The following CHRDL1 variants were observed in gnomAD, a reference collection of about 807,000 sequenced individuals.
CHRDL1 encodes chordin like 1, also known as chordin-like protein 1.
In CHRDL1, 19 loss-of-function variants were observed where a neutral mutation model predicts 40.9. The ratio of observed to expected loss-of-function variants is 0.46; its 90% CI spans 0.32 to 0.68. The LOEUF (loss-of-function observed/expected upper bound fraction) is 0.68. Among genes scored for constraint, CHRDL1 ranks in the 30% least tolerant of loss-of-function variants. The pLI, the probability that CHRDL1 is intolerant of heterozygous loss-of-function variation, is 0.03. For synonymous variants in CHRDL1, 136 were observed against 123.4 expected, an observed-to-expected ratio of 1.10 and a Z score of -0.68; for missense variants, 329 against 352.1, an observed-to-expected ratio of 0.93 and a Z score of 0.53.
At chrX:110,712,345 A>G (rs1031045434) in intron 6 of CHRDL1, among the ~76,000 whole-genome samples, 1 of 111,036 alleles carries the variant, frequency 9.0e-6, no homozygotes, top group Non-Finnish European at 1.9e-5. Context: ...GAAAAATAAC[A>G]GTTTAAGTGA....
chrX:110,782,674 C>T (rs980034737), intron 2 of CHRDL1, among the ~76,000 whole-genome samples: 1 of 112,561 alleles, frequency 8.9e-6, no homozygotes, highest in Non-Finnish European at 1.9e-5. Flanking sequence ...TCAGTGACAA[C>T]ACATAATGTA....
chrX:110,779,530 G>A lies in CHRDL1; in HGVS notation c.94+12558C>T, dbSNP rs528200299. ...TGATGTTTATTTGGGTCTATTTCTG[G>A]GCTCTCTATTACATTCCCTTGATCT... is the stretch of plus-strand genomic sequence containing the variant. On this transcript the variant is annotated intron_variant, in intron 2 of 11. Transcript: ENST00000372042. Among the ~76,000 whole-genome samples the A allele has an allele frequency of 3.0e-4, 33 of 111,145 alleles. No homozygotes were observed. The South Asian group carries it at 0.012, about 40-fold the overall frequency.
At chrX:110,770,249 T>C (rs1264512650) in intron 2 of CHRDL1, among the ~76,000 whole-genome samples, 2 of 112,226 alleles carry the variant, frequency 1.8e-5, no homozygotes, top group African/African-American at 6.5e-5. Flanking sequence ...TAGAGTGTTA[T>C]TTTATAAACA....
chrX:110,720,542 A>G (rs2070931010), intron 5 of CHRDL1, among the ~76,000 whole-genome samples: 1 of 112,062 alleles, frequency 8.9e-6, no homozygotes, highest in African/African-American at 3.2e-5. Context: ...TCTTAGAAGC[A>G]CATTCTTTTG....
At chrX:110,771,001 G>T (rs965800310) in intron 2 of CHRDL1, among the ~76,000 whole-genome samples, 11 of 110,236 alleles carry the variant, frequency 1.0e-4, no homozygotes, top group African/African-American at 3.6e-4. Context: ...ACAAAAATTA[G>T]CCAGGCATGG....
intron 4 of CHRDL1, among the ~76,000 whole-genome samples, chrX:110,751,721 A>T (rs1408466125): frequency 8.9e-6 from 1 of 111,783 alleles, no homozygotes; most frequent in South Asian, 3.8e-4. Context: ...GAGGCTTCTT[A>T]AAAAAGCTAC....
At chrX:110,722,905 T>C (rs1291680280) in intron 4 of CHRDL1, among the ~76,000 whole-genome samples, 1 of 110,868 alleles carries the variant, frequency 9.0e-6, no homozygotes, top group Non-Finnish European at 1.9e-5. Context: ...CTGTAATGAA[T>C]ATGAGTCTAT....
chrX:110,733,562 G>A (rs1569475050), intron 4 of CHRDL1, among the ~76,000 whole-genome samples: 1 of 111,418 alleles, frequency 9.0e-6, no homozygotes, highest in African/African-American at 3.3e-5. Context: ...GTGCAAAGGA[G>A]ACAGGGTCTA....
In CHRDL1 at chrX:110,735,658, A is replaced by C. The variant is rs1246886766; in HGVS notation, c.302-14128T>G. The stretch of plus-strand genomic sequence containing the variant: ...AAGAGAAAATGCTCCCCTGTGAAAT[A>C]CTGTATAGTGCTAATAACCAGAACC... On this transcript the variant is annotated intron_variant, in intron 4 of 11. Transcript: ENST00000372042. 4.5e-5 allele frequency among the ~76,000 whole-genome samples: 5 copies of C among 112,178 alleles called. No homozygotes were observed. In the East Asian group the frequency reaches 1.4e-3, roughly 31 times the overall value.
At chrX:110,711,223 T>C (rs188679284) in intron 6 of CHRDL1, among the ~76,000 whole-genome samples, 8 of 112,118 alleles carry the variant, frequency 7.1e-5, no homozygotes, top group Middle Eastern at 4.6e-3. Flanking sequence ...CCAGTGAATA[T>C]AGAGGGCGGA....
chrX:110,676,951 G>C (rs143407541), intron 11 of CHRDL1, among the ~76,000 whole-genome samples: 285 of 110,928 alleles, frequency 2.6e-3, no homozygotes, highest in Middle Eastern at 9.3e-3. Flanking sequence ...CCCTTCCCAT[G>C]GTTCCTCATC....
rs775699372 is a variant in CHRDL1 at position 110,747,656 on chromosome X, T to C, written c.301+12005A>G. 4.4e-5 allele frequency among the ~76,000 whole-genome samples: 5 copies of C among 112,460 alleles called. No homozygotes were observed. In the East Asian group the frequency reaches 1.4e-3, roughly 32 times the overall value. On this transcript the variant is annotated intron_variant, in intron 4 of 11. Coordinates refer to ENST00000372042, the MANE Select transcript of CHRDL1 (RefSeq NM_001143981.2). ...AACTTACATACGTACAACATAAATG[T>C]AGAGTTGTACTGATGCTTTCAAAGC...
At chrX:110,698,839 C>T (rs2070454832) in intron 7 of CHRDL1, among the ~76,000 whole-genome samples, 1 of 111,534 alleles carries the variant, frequency 9.0e-6, no homozygotes, top group Non-Finnish European at 1.9e-5. Context: ...CTTAAGGTGA[C>T]TAAACTCTAA....
At chrX:110,729,633 C>T (rs1471394249) in intron 4 of CHRDL1, among the ~76,000 whole-genome samples, 1 of 111,807 alleles carries the variant, frequency 8.9e-6, no homozygotes, top group Admixed American at 9.5e-5. Context: ...GGCTGTAGAG[C>T]ACCGGGTAAA....
chrX:110,730,423 C>T (rs181452985), intron 4 of CHRDL1, among the ~76,000 whole-genome samples: 1 of 111,118 alleles, frequency 9.0e-6, no homozygotes, highest in Admixed American at 9.5e-5. Flanking sequence ...AGCCATTTAC[C>T]AAGCACATAG....
chrX:110,759,086 A>G (rs1405987876), intron 4 of CHRDL1, among the ~76,000 whole-genome samples: 3 of 112,048 alleles, frequency 2.7e-5, no homozygotes, highest in Admixed American at 1.9e-4. Context: ...TCGTGAAAGT[A>G]GATGTCCTAA....
At chrX:110,771,377 C>A (rs777222271) in intron 2 of CHRDL1, among the ~76,000 whole-genome samples, 4 of 111,656 alleles carry the variant, frequency 3.6e-5, no homozygotes, top group Admixed American at 9.5e-5. Context: ...AAAGATATTA[C>A]AAGAACAGAA....
intron 9 of CHRDL1, among the ~76,000 whole-genome samples, chrX:110,686,363 C>T (rs1356245612): frequency 8.9e-6 from 1 of 111,815 alleles, no homozygotes; most frequent in Non-Finnish European, 1.9e-5. Flanking sequence ...GGTCTGAAGG[C>T]CTGAGATTCA....
chrX:110,739,451 C>T, intron 4 of CHRDL1, among the ~76,000 whole-genome samples: 1 of 111,610 alleles, frequency 9.0e-6, no homozygotes, highest in Non-Finnish European at 1.9e-5. Context: ...ATAAAACGTC[C>T]TGCAAAACTC....
Sources: gnomAD v4.1 joint callset for allele counts (sites outside exome capture counted in the v4.1 genomes callset) on GRCh38, gnomAD v4.1.1 for gene constraint, MANE v1.5 for transcripts, NCBI Gene and HGNC (gene_info 2026-07-23, HGNC 2026-07-21) for gene names.